Variants in TAF13 observed in about 807,000 individuals in gnomAD.
The protein encoded by TAF13 is transcription initiation factor TFIID subunit 13.
TAF13 carries 9 observed loss-of-function variants against 18.7 expected under a neutral mutation model. The ratio of observed to expected loss-of-function variants is 0.48; its 90% CI spans 0.29 to 0.84. TAF13 has a LOEUF of 0.84. TAF13 is among the 40% of genes least tolerant of loss of function. The pLI is 0.08. For synonymous variants in TAF13, 49 were observed against 44.1 expected, an observed-to-expected ratio of 1.11 and a Z score of -0.44; for missense variants, 105 against 146.5, an observed-to-expected ratio of 0.72 and a Z score of 1.46.
rs1358303285 is a variant in TAF13 at position 109,072,980 on chromosome 1, G to A, written c.106+2007C>T. On this transcript the variant is annotated intron_variant, in intron 2 of 3. Transcript: ENST00000338366. ...ACTCCTGACCTCCAGTGATCCACCC[G>A]CCTCAGTCTCCCAAAGTGCTGGGAT... Among the ~76,000 whole-genome samples the A allele has an allele frequency of 4.0e-5, 6 of 151,404 alleles. 1 individual carries two copies. The South Asian group carries it at 8.3e-4, about 21-fold the overall frequency.
At position 109,074,222 on chromosome 1, in the gene TAF13, T is replaced by G. The variant is rs556580519; in HGVS notation, c.106+765A>C. Among the ~76,000 whole-genome samples the G allele has an allele frequency of 1.1e-3, 170 of 152,358 alleles. 1 individual carries two copies. The highest frequency in any genetic ancestry group is 2.9e-3 in the South Asian group (14 of 4,830). On this transcript the variant is annotated intron_variant, in intron 2 of 3. Coordinates refer to ENST00000338366, the MANE Select transcript of TAF13 (RefSeq NM_005645.4). The stretch of plus-strand genomic sequence containing the variant: ...GTAGACATAGGAGACTCCATTTTGT[T>G]CTGTACTAAGAAAAATTCTTCTGCC...
At chr1:109,065,058 T>C (rs1470539584) in intron 3 of TAF13, among the ~76,000 whole-genome samples, 2 of 152,192 alleles carry the variant, frequency 1.3e-5, no homozygotes, top group African/African-American at 2.4e-5. Context: ...TCTATCTTAA[T>C]ACCCAATAAA....
Position 109,064,410 on chromosome 1 carries a change from G to T in TAF13, c.*113C>A. ...CATAAAAATAAAGGCTGAAAACTTT[G>T]TGTTTCTCCATCTTTCATTTACATG... is the stretch of plus-strand genomic sequence containing the variant. On this transcript the variant is annotated 3_prime_UTR_variant, in exon 4 of 4. Transcript: ENST00000338366. The T allele has an allele frequency of 9.8e-7, 1 of 1,023,988 alleles. No homozygotes were observed. 63.4% of individuals were successfully genotyped at this position (1,023,988 alleles called of 1,614,324 possible). A position where few individuals can be genotyped will look rare whatever the true frequency, so the allele number is the denominator to read the frequency against.
At chr1:109,071,584 CCA>C (rs1664053232) in intron 2 of TAF13, among the ~76,000 whole-genome samples, 1 of 151,348 alleles carries the variant, frequency 6.6e-6, no homozygotes, top group Non-Finnish European at 1.5e-5. Flanking sequence ...TACTCCAGCC[CCA>C]GTGACAGAAG....
chr1:109,075,116 G>A, intron 1 of TAF13, 51 bp from the exon 2 acceptor site: 2 of 1,431,584 alleles, frequency 1.4e-6, no homozygotes, highest in Non-Finnish European at 1.9e-6. Context: ...CCTTGCATTT[G>A]ATATTTTAAT....
intron 2 of TAF13, among the ~76,000 whole-genome samples, chr1:109,071,667 C>T (rs933813649): frequency 4.0e-5 from 6 of 150,690 alleles, no homozygotes; most frequent in Non-Finnish European, 7.4e-5. Flanking sequence ...GATACACTGA[C>T]GCTGAAGCTG....
intron 1 of TAF13, 101 bp downstream of exon 1, chr1:109,075,820 G>A (rs2102114204): frequency 2.7e-6 from 4 of 1,503,362 alleles, no homozygotes; most frequent in South Asian, 1.1e-5. Flanking sequence ...TCTGTCCGCT[G>A]AATTCACTAA....
chr1:109,075,132 C>A, intron 1 of TAF13, 67 bp from the exon 2 acceptor site: 1 of 1,360,616 alleles, frequency 7.3e-7, no homozygotes, highest in Non-Finnish European at 1.0e-6. Flanking sequence ...TTAATAATGA[C>A]ATTTTTTTTT....
chr1:109,069,136 TA>T (rs1482513606), intron 2 of TAF13, among the ~76,000 whole-genome samples: 2 of 152,304 alleles, frequency 1.3e-5, no homozygotes, highest in East Asian at 3.9e-4. Flanking sequence ...ATGTAAATGG[TA>T]AGAAATGCTG....
chr1:109,073,442 C>A (rs1381230601), intron 2 of TAF13, among the ~76,000 whole-genome samples: 1 of 152,184 alleles, frequency 6.6e-6, no homozygotes, highest in South Asian at 2.1e-4. Context: ...CACCGTCTCC[C>A]TCTGTTGCCG....
intron 2 of TAF13, among the ~76,000 whole-genome samples, chr1:109,069,768 G>A (rs1028563926): frequency 2.6e-5 from 4 of 152,026 alleles, no homozygotes; most frequent in Non-Finnish European, 4.4e-5. Context: ...GCCTACAGAA[G>A]AAAAGGGTGA....
intron 2 of TAF13, among the ~76,000 whole-genome samples, chr1:109,073,524 G>A (rs1048512080): frequency 9.2e-5 from 14 of 152,124 alleles, no homozygotes; most frequent in Non-Finnish European, 1.2e-4. Flanking sequence ...GCGCCGCCAC[G>A]CCTGACTGGT....
intron 1 of TAF13, among the ~76,000 whole-genome samples, chr1:109,075,676 GATTCTGT>G (rs774699597): frequency 3.2e-4 from 49 of 152,284 alleles, no homozygotes; most frequent in Non-Finnish European, 5.6e-4. Flanking sequence ...GATCTCTGAT[GATTCTGT>G]ACGTGTTTCA....
chr1:109,067,847 T>C (rs1459415473), intron 2 of TAF13, among the ~76,000 whole-genome samples: 3 of 152,184 alleles, frequency 2.0e-5, no homozygotes, highest in Admixed American at 2.0e-4. Flanking sequence ...CTGCAGTAAC[T>C]GATTTACCCA....
intron 2 of TAF13, among the ~76,000 whole-genome samples, chr1:109,072,531 A>C (rs1571299428): frequency 1.3e-5 from 2 of 150,756 alleles, no homozygotes; most frequent in Non-Finnish European, 1.5e-5. Flanking sequence ...TGCAACCTCC[A>C]CCTCCTGGGC....
At chr1:109,065,721 G>A (rs2102105138) in intron 3 of TAF13, among the ~76,000 whole-genome samples, 1 of 152,192 alleles carries the variant, frequency 6.6e-6, no homozygotes, top group Admixed American at 6.5e-5. Context: ...TTGGGAGTTT[G>A]AGACCAGCCT....
intron 2 of TAF13, 28 bp from the exon 3 acceptor site, chr1:109,066,260 T>G (rs945944173): frequency 2.0e-6 from 3 of 1,517,998 alleles, no homozygotes; most frequent in African/African-American, 2.8e-5. Flanking sequence ...CTTACTTTTG[T>G]TTACTTTTAC....
intron 2 of TAF13, among the ~76,000 whole-genome samples, chr1:109,069,986 G>A (rs1443424559): frequency 1.3e-5 from 2 of 152,090 alleles, no homozygotes; most frequent in Non-Finnish European, 2.9e-5. Flanking sequence ...GTTCCCATAT[G>A]CCCTATATCC....
rs945809536 is a variant in TAF13, at chr1:109,072,075, T to C, written c.106+2912A>G. 1.7e-3 allele frequency among the ~76,000 whole-genome samples: 8 copies of C among 4,714 alleles called. 1 individual carries two copies. Among genetic ancestry groups the C allele is most frequent in the African/African-American group, 5.0e-3 (7 of 1,396 alleles). 3.1% of individuals were successfully genotyped at this position (4,714 alleles called of 152,430 possible). The stretch of plus-strand genomic sequence containing the variant: ...ACATATATATATATATATATATATA[T>C]ACACACACATATATATATATATATA... On this transcript the variant is annotated intron_variant, in intron 2 of 3. Coordinates refer to ENST00000338366, the MANE Select transcript of TAF13 (RefSeq NM_005645.4).
Sources: gnomAD v4.1 joint callset for allele counts (sites outside exome capture counted in the v4.1 genomes callset) on GRCh38, gnomAD v4.1.1 for gene constraint, MANE v1.5 for transcripts, NCBI Gene and HGNC (gene_info 2026-07-23, HGNC 2026-07-21) for gene names.